ATL1: variants seen among roughly 807,000 people sequenced by gnomAD.
The protein encoded by ATL1 is atlastin-1.
Under a neutral mutation model 75.5 loss-of-function variants are expected in ATL1, and 31 were observed. The ratio of observed to expected loss-of-function variants is 0.41; its 90% CI spans 0.31 to 0.55. The LOEUF (loss-of-function observed/expected upper bound fraction) is 0.55. Ranked by LOEUF, ATL1 falls within the 20% of genes least tolerant of loss-of-function variation. ATL1 has a pLI of 0.27. For missense variants in ATL1, 405 were observed against 662.6 expected (o/e 0.61, Z 4.27); for synonymous variants, 226 against 233.3 (o/e 0.97, Z 0.28).
chr14:50,561,508 A>G (rs2038844864), intron 1 of ATL1, among the ~76,000 whole-genome samples: 1 of 152,166 alleles, frequency 6.6e-6, no homozygotes, highest in South Asian at 2.1e-4. Context: ...CTCTTCTATA[A>G]CTGTTTATTT....
At chr14:50,550,865 A>T (rs1037658858) in intron 1 of ATL1, among the ~76,000 whole-genome samples, 3 of 152,202 alleles carry the variant, frequency 2.0e-5, no homozygotes, top group Admixed American at 1.3e-4. Flanking sequence ...TAGTGACACA[A>T]CTTATCAAAA....
In ATL1 at chr14:50,595,635, G is replaced by A. The variant is rs746263796; in HGVS notation, c.630+3G>A. The A allele has an allele frequency of 3.7e-5, 60 of 1,613,500 alleles. No homozygotes were observed. Among genetic ancestry groups the A allele is most frequent in the Non-Finnish European group, 5.0e-5 (59 of 1,179,704 alleles). Reference sequence around the variant, plus strand: ...AAACATTCCTGAAGCCATTTCAGGTGAGCGAGTGTTAAATGATGGTAAATT... The same window carrying A: ...AAACATTCCTGAAGCCATTTCAGGTAAGCGAGTGTTAAATGATGGTAAATT... On this transcript the variant is annotated splice_donor_region_variant and intron_variant, in intron 6 of 13. Transcript: ENST00000358385.
chr14:50,620,640 C>T lies in ATL1; in HGVS notation c.904C>T (p.Pro302Ser). The T allele has an allele frequency of 1.2e-6, 2 of 1,613,398 alleles. No homozygotes were observed. The highest frequency in any genetic ancestry group is 1.7e-6 in the Non-Finnish European group (2 of 1,179,522). The part of the protein sequence containing the change: ...EFIKNLKILI[P>S]WLLSPESLDI... The stretch of plus-strand genomic sequence containing the variant: ...CATCAAAAACTTGAAAATACTGATT[C>T]CTTGGCTACTTAGTCCCGAGAGCCT... The change falls in exon 9 of 14, where the codon CCT becomes TCT. Residue 302 changes from proline to serine, a missense_variant. Physicochemically the swap from Pro to Ser is moderately conservative, Grantham distance 74 (BLOSUM62 -1). Coordinates refer to ENST00000358385, the MANE Select transcript of ATL1 (RefSeq NM_015915.5).
At chr14:50,575,900 C>T (rs966607086) in intron 1 of ATL1, among the ~76,000 whole-genome samples, 1 of 152,112 alleles carries the variant, frequency 6.6e-6, no homozygotes, top group Non-Finnish European at 1.5e-5. Context: ...GTGCCAGCTT[C>T]CAGTAACTCA....
intron 1 of ATL1, among the ~76,000 whole-genome samples, chr14:50,563,874 T>C (rs1163510547): frequency 6.6e-6 from 1 of 152,208 alleles, no homozygotes; most frequent in Non-Finnish European, 1.5e-5. Context: ...ATAGGCATTG[T>C]TATTATTAAT....
At chr14:50,631,858 T>A (rs2039584523) in intron 13 of ATL1, among the ~76,000 whole-genome samples, 2 of 152,160 alleles carry the variant, frequency 1.3e-5, no homozygotes, top group African/African-American at 4.8e-5. Flanking sequence ...TAGCTATGCA[T>A]AATAGTTACT....
intron 6 of ATL1, among the ~76,000 whole-genome samples, chr14:50,598,142 A>G (rs1044684430): frequency 2.0e-5 from 3 of 152,336 alleles, no homozygotes; most frequent in Middle Eastern, 3.4e-3. Flanking sequence ...TCAAAGGTCT[A>G]TTAAAGACCA....
chr14:50,594,580 CAG>C lies in ATL1; in HGVS notation c.573+687_573+688del, dbSNP rs780751292. 5.3e-5 allele frequency among the ~76,000 whole-genome samples: 8 copies of C among 152,142 alleles called. No individual in the cohort carries two copies. In the East Asian group the frequency reaches 1.2e-3, roughly 22 times the overall value. ...TCCAAAAGGAGCAGAAACAAAGAAGCAGAGTTTCGGTTTACAACTGGCGACAG... is the reference window on the plus strand; with the variant it reads ...TCCAAAAGGAGCAGAAACAAAGAAGCAGTTTCGGTTTACAACTGGCGACAG... On this transcript the variant is annotated intron_variant, in intron 5 of 13. Coordinates refer to ENST00000358385, the MANE Select transcript of ATL1 (RefSeq NM_015915.5).
intron 6 of ATL1, among the ~76,000 whole-genome samples, chr14:50,607,277 T>TA (rs1447691444): frequency 6.6e-6 from 1 of 151,980 alleles, no homozygotes; most frequent in East Asian, 1.9e-4. Context: ...AAATATGACT[T>TA]AAAAAAACAA....
At position 50,546,880 on chromosome 14, in the gene ATL1, C is replaced by G. The variant is rs919258292; in HGVS notation, c.-139-13247C>G. ...TACTTTAAGTTCTGGGGTACATGTG[C>G]GGAACATGCAGGTTTGTTACATAGG... On this transcript the variant is annotated intron_variant, in intron 1 of 13. Coordinates refer to the ATL1 transcript ENST00000441560. Among the ~76,000 whole-genome samples the G allele has an allele frequency of 2.6e-4, 39 of 151,918 alleles. 1 individual carries two copies. Among genetic ancestry groups the G allele is most frequent in the Non-Finnish European group, 1.0e-4 (7 of 68,002 alleles).
At chr14:50,564,314 A>G (rs2038879914) in intron 1 of ATL1, among the ~76,000 whole-genome samples, 2 of 152,158 alleles carry the variant, frequency 1.3e-5, no homozygotes, top group African/African-American at 4.8e-5. Flanking sequence ...GTTTTCTACA[A>G]TGTAACAGAA....
At chr14:50,552,097 A>T (rs2038709852) in intron 1 of ATL1, among the ~76,000 whole-genome samples, 1 of 152,170 alleles carries the variant, frequency 6.6e-6, no homozygotes, top group Non-Finnish European at 1.5e-5. Flanking sequence ...TGATATGATC[A>T]TGTACCTAGA....
intron 10 of ATL1, among the ~76,000 whole-genome samples, chr14:50,622,230 AAC>A (rs933048129): frequency 4.9e-4 from 75 of 152,328 alleles, no homozygotes; most frequent in African/African-American, 1.6e-3. Flanking sequence ...AGTCTCCACA[AAC>A]ATTTTTTTAA....
intron 13 of ATL1, 140 bp from the exon 14 acceptor site, chr14:50,632,089 G>A (rs1046656188): frequency 8.9e-6 from 5 of 562,548 alleles, no homozygotes; most frequent in Non-Finnish European, 1.6e-5. Flanking sequence ...TGAATTTTAA[G>A]ATAATAATTT....
intron 1 of ATL1, among the ~76,000 whole-genome samples, chr14:50,567,503 T>C (rs955892387): frequency 6.6e-6 from 1 of 152,212 alleles, no homozygotes; most frequent in Non-Finnish European, 1.5e-5. Context: ...CTGGATCTTA[T>C]GGTAATTCTA....
At chr14:50,561,580 G>A (rs1053554897) in intron 1 of ATL1, among the ~76,000 whole-genome samples, 3 of 152,132 alleles carry the variant, frequency 2.0e-5, no homozygotes, top group African/African-American at 7.2e-5. Flanking sequence ...TCAAAAGACC[G>A]TGTATCTCCT....
chr14:50,609,307 C>T (rs890951179), intron 6 of ATL1, among the ~76,000 whole-genome samples: 3 of 151,832 alleles, frequency 2.0e-5, no homozygotes, highest in Admixed American at 6.6e-5. Context: ...GAGAGAACAT[C>T]ATATGTAATC....
chr14:50,587,581 A>G (rs2039114082), intron 1 of ATL1, among the ~76,000 whole-genome samples: 1 of 150,864 alleles, frequency 6.6e-6, no homozygotes, highest in Admixed American at 6.6e-5. Flanking sequence ...GACGAATTTT[A>G]AAATTTTTTG....
At chr14:50,593,377 C>CAT (rs926372933) in intron 4 of ATL1, among the ~76,000 whole-genome samples, 3 of 152,026 alleles carry the variant, frequency 2.0e-5, no homozygotes, top group East Asian at 1.9e-4. Flanking sequence ...GCTGTTATCA[C>CAT]ATATATATAT....
Sources: gnomAD v4.1 joint callset for allele counts (sites outside exome capture counted in the v4.1 genomes callset) on GRCh38, gnomAD v4.1.1 for gene constraint, MANE v1.5 for transcripts, NCBI Gene and HGNC (gene_info 2026-07-23, HGNC 2026-07-21) for gene names.